Variants in SRGAP3 observed in about 807,000 individuals in gnomAD.
SRGAP3 encodes SLIT-ROBO Rho GTPase-activating protein 3.
Under a neutral mutation model 121.1 loss-of-function variants are expected in SRGAP3, and 39 were observed. The observed-to-expected ratio is 0.32, with a 90% CI of 0.25 to 0.42. The LOEUF (loss-of-function observed/expected upper bound fraction) is 0.42. Among genes scored for constraint, SRGAP3 ranks in the 10% least tolerant of loss-of-function variants. The probability of loss-of-function intolerance (pLI) is 1.00; values close to 1 mark genes in which losing one functional copy is unlikely to be tolerated. For missense variants in SRGAP3, 1,213 were observed against 1,470.6 expected, an observed-to-expected ratio of 0.82 and a Z score of 2.86; for synonymous variants, 601 against 570.0, an observed-to-expected ratio of 1.05 and a Z score of -0.77.
At chr3:9,358,802 G>T (rs2030652288) in intron 1 of SRGAP3, among the ~76,000 whole-genome samples, 1 of 152,162 alleles carries the variant, frequency 6.6e-6, no homozygotes, top group Non-Finnish European at 1.5e-5. Flanking sequence ...TATTACAAAA[G>T]ATATTACAAA....
In SRGAP3 at chr3:9,064,441, G is replaced by A. The variant is rs1463492024; in HGVS notation, c.627C>T (p.Pro209=). The change falls in exon 5 of 22, where the codon CCC becomes CCT. Residue 209 remains proline (P), a synonymous_variant. Coordinates refer to ENST00000383836, the MANE Select transcript of SRGAP3 (RefSeq NM_014850.4). ...SMNLLRHEDR[P]QRRSSVKKIE... ...TCTTCTTCACAGAGCTGCGGCGCTG[G>A]GGCCGGTCCTCGTGCCGGAGCAGGT... The A allele has an allele frequency of 1.2e-6, 2 of 1,614,204 alleles. No homozygotes were observed. The highest frequency in any genetic ancestry group is 1.7e-6 in the Non-Finnish European group (2 of 1,180,036).
At chr3:9,296,987 T>C (rs556474330) in intron 3 of SRGAP3, among the ~76,000 whole-genome samples, 1 of 152,252 alleles carries the variant, frequency 6.6e-6, no homozygotes. Flanking sequence ...CAGACTCAAG[T>C]GATCCTCCTA....
chr3:9,058,485 C>T lies in SRGAP3; in HGVS notation c.802-13G>A, dbSNP rs1281540370. On this transcript the variant is annotated splice_polypyrimidine_tract_variant and intron_variant, in intron 6 of 21. Transcript: ENST00000383836. ...CCAAATCACAGCACTTGGGGAGAGGCAACAACGGAAGGTTATGGGTGACAG... is the reference window on the plus strand; with the variant it reads ...CCAAATCACAGCACTTGGGGAGAGGTAACAACGGAAGGTTATGGGTGACAG... 2 of 1,613,178 alleles carry T rather than the reference C, an allele frequency of 1.2e-6. No homozygotes were observed. Among genetic ancestry groups the T allele is most frequent in the Non-Finnish European group, 8.5e-7 (1 of 1,179,868 alleles).
intron 2 of SRGAP3, among the ~76,000 whole-genome samples, chr3:9,123,732 A>ATATGTGTG (rs1949109706): frequency 7.2e-6 from 1 of 139,074 alleles, no homozygotes; most frequent in African/African-American, 2.9e-5. Flanking sequence ...ATATGTATAT[A>ATATGTGTG]TGTGTGTGTG....
At chr3:9,233,139 A>G (rs896705625) in intron 1 of SRGAP3, among the ~76,000 whole-genome samples, 2 of 152,180 alleles carry the variant, frequency 1.3e-5, no homozygotes, top group African/African-American at 4.8e-5. Flanking sequence ...CTGTGCTGGA[A>G]ATTCTGACTT....
At position 9,006,954 on chromosome 3, in the gene SRGAP3, C is replaced by CTTTTTTTTT. The variant is rs891322969; in HGVS notation, c.2227+3345_2227+3353dup. 4 of 106,604 alleles carry CTTTTTTTTT rather than the reference C, an allele frequency of 3.8e-5. 1 individual carries two copies. Among genetic ancestry groups the CTTTTTTTTT allele is most frequent in the African/African-American group, 1.5e-4 (4 of 26,546 alleles). The allele number at this position is 106,604 out of a possible 1,614,324, so 6.6% of individuals were successfully genotyped here. A position where few individuals can be genotyped will look rare whatever the true frequency, so the allele number is the denominator to read the frequency against. The stretch of plus-strand genomic sequence containing the variant: ...ACTAGGCATCAGTTGGGTATAGAAT[C>CTTTTTTTTT]TTTTTTTTTTTTTTTTTTTTTTTTG... On this transcript the variant is annotated intron_variant, in intron 18 of 21. Coordinates refer to ENST00000383836, the MANE Select transcript of SRGAP3 (RefSeq NM_014850.4).
At chr3:9,247,848 G>C (rs913549757) in intron 1 of SRGAP3, among the ~76,000 whole-genome samples, 11 of 152,242 alleles carry the variant, frequency 7.2e-5, no homozygotes, top group African/African-American at 2.7e-4. Context: ...GCTTCCCACA[G>C]GGCACATCCT....
At chr3:9,291,673 T>C (rs1954873290) in intron 3 of SRGAP3, among the ~76,000 whole-genome samples, 1 of 151,716 alleles carries the variant, frequency 6.6e-6, no homozygotes, top group Non-Finnish European at 1.5e-5. Context: ...TTTCACAAAT[T>C]TCATTCACTC....
rs543042636 is a variant in SRGAP3 at position 9,198,922 on chromosome 3, G to A, written c.67+49963C>T. On this transcript the variant is annotated intron_variant, in intron 1 of 21. Coordinates refer to ENST00000383836, the MANE Select transcript of SRGAP3 (RefSeq NM_014850.4). The stretch of plus-strand genomic sequence containing the variant: ...TGTAGAAAGACAAGCAAGAAAAGAC[G>A]GGCAGCAAGCAGACACACTGTCCTC... Among the ~76,000 whole-genome samples the A allele has an allele frequency of 7.9e-5, 12 of 152,230 alleles. No individual in the cohort carries two copies. The East Asian group carries it at 9.7e-4, about 12-fold the overall frequency.
intron 1 of SRGAP3, among the ~76,000 whole-genome samples, chr3:9,176,641 T>C (rs781166943): frequency 1.6e-4 from 24 of 152,186 alleles, no homozygotes; most frequent in Admixed American, 6.5e-4. Context: ...CACCTGCTTC[T>C]GGGGAGGCCT....
rs36044423 is a variant in SRGAP3 at position 9,051,710 on chromosome 3, C to CTTT, written c.1323+1314_1323+1316dup. On this transcript the variant is annotated intron_variant, in intron 9 of 21. Transcript: ENST00000383836. ...GAAGGGGTGAAAATTTTGCTCAATT[C>CTTT]TTTTTTTTTTTTTTTTTTTTTGAGA... 3.1e-3 allele frequency among the ~76,000 whole-genome samples: 321 copies of CTTT among 103,078 alleles called. 1 individual carries two copies. The highest frequency in any genetic ancestry group is 4.1e-3 in the Non-Finnish European group (219 of 53,810). 67.6% of individuals were successfully genotyped at this position (103,078 alleles called of 152,430 possible).
chr3:9,019,889 G>T (rs1256266728), intron 14 of SRGAP3, among the ~76,000 whole-genome samples: 1 of 152,238 alleles, frequency 6.6e-6, no homozygotes, highest in African/African-American at 2.4e-5. Context: ...TGTTCCCACT[G>T]GAGGACGTGA....
chr3:9,255,574 C>T (rs1321270540), intron 3 of SRGAP3, among the ~76,000 whole-genome samples: 4 of 152,158 alleles, frequency 2.6e-5, no homozygotes, highest in Non-Finnish European at 5.9e-5. Context: ...ATCCCTGAAC[C>T]AATCGCTGGA....
intron 1 of SRGAP3, among the ~76,000 whole-genome samples, chr3:9,204,503 A>C (rs192531915): frequency 1.3e-5 from 2 of 152,234 alleles, no homozygotes; most frequent in Non-Finnish European, 2.9e-5. Context: ...AGCTCCCTGC[A>C]GATCTTATCC....
At chr3:9,087,445 C>A (rs538150591) in intron 3 of SRGAP3, among the ~76,000 whole-genome samples, 1 of 152,124 alleles carries the variant, frequency 6.6e-6, no homozygotes, top group South Asian at 2.1e-4. Flanking sequence ...GGGGTAGAGT[C>A]AAGAACACAA....
intron 19 of SRGAP3, chr3:8,993,998 C>T (rs1322553061): frequency 1.6e-5 from 6 of 366,080 alleles, no homozygotes; most frequent in South Asian, 2.7e-5. Flanking sequence ...AGTGTAGAAC[C>T]GTAGGCAGGG....
intron 1 of SRGAP3, among the ~76,000 whole-genome samples, chr3:9,243,678 G>A (rs1456687169): frequency 6.6e-6 from 1 of 151,334 alleles, no homozygotes; most frequent in Non-Finnish European, 1.5e-5. Context: ...AAAGGGACTG[G>A]TTTTTTGCGT....
chr3:9,242,391 T>C (rs1290852109), intron 1 of SRGAP3, among the ~76,000 whole-genome samples: 1 of 152,202 alleles, frequency 6.6e-6, no homozygotes, highest in Non-Finnish European at 1.5e-5. Flanking sequence ...TCCCAGCATT[T>C]TGGGAGGCCG....
At chr3:9,034,940 C>T (rs140497160) in intron 11 of SRGAP3, 183 of 152,288 alleles carry the variant, frequency 1.2e-3, no homozygotes, top group African/African-American at 4.1e-3. Flanking sequence ...AGATCATTTC[C>T]TTATCACATT....
Sources: gnomAD v4.1 joint callset for allele counts (sites outside exome capture counted in the v4.1 genomes callset) on GRCh38, gnomAD v4.1.1 for gene constraint, MANE v1.5 for transcripts, NCBI Gene and HGNC (gene_info 2026-07-23, HGNC 2026-07-21) for gene names.